Variants in RNF182 observed in about 807,000 individuals in gnomAD.
RNF182 encodes the protein ring finger protein 182, also known as E3 ubiquitin-protein ligase RNF182.
A neutral mutation model predicts 14.4 loss-of-function variants in RNF182; 15 were observed. That is an observed-to-expected ratio of 1.04 (90% confidence interval 0.70 to 1.60). RNF182 has a LOEUF of 1.60. Among genes scored for constraint, RNF182 ranks in the 40% most tolerant of loss-of-function variants. RNF182 has a pLI of 0.00. For missense variants in RNF182, 268 were observed against 294.8 expected (o/e 0.91, Z 0.67); for synonymous variants, 128 against 122.9 (o/e 1.04, Z -0.27).
chr6:13,965,647 A>C (rs1561786159), intron 1 of RNF182, among the ~76,000 whole-genome samples: 1 of 152,200 alleles, frequency 6.6e-6, no homozygotes, highest in Non-Finnish European at 1.5e-5. Flanking sequence ...GACACAGAAA[A>C]CTAGAAATAG....
At chr6:13,941,241 TA>T (rs2113597641) in intron 1 of RNF182, among the ~76,000 whole-genome samples, 1 of 152,236 alleles carries the variant, frequency 6.6e-6, no homozygotes, top group East Asian at 1.9e-4. Flanking sequence ...GAGGATATGT[TA>T]TTGGATATAT....
At chr6:13,975,435 G>A (rs1174528603) in intron 2 of RNF182, among the ~76,000 whole-genome samples, 1 of 152,128 alleles carries the variant, frequency 6.6e-6, no homozygotes, top group Non-Finnish European at 1.5e-5. Context: ...TTGGTTCGTG[G>A]TAGCAGTTTT....
chr6:13,958,630 C>CT (rs1759788393), intron 1 of RNF182, among the ~76,000 whole-genome samples: 1 of 152,102 alleles, frequency 6.6e-6, no homozygotes, highest in Admixed American at 6.5e-5. Flanking sequence ...TGGTAAGCAA[C>CT]ATATTAGTGG....
rs1218016654 is a variant in RNF182 at position 13,949,461 on chromosome 6, G to T, written c.-367+24438G>T. 4.6e-6 allele frequency: 3 copies of T among 647,532 alleles called. No homozygotes were observed. The East Asian group carries it at 8.5e-5, about 18-fold the overall frequency. 40.1% of individuals were successfully genotyped at this position (647,532 alleles called of 1,614,324 possible). On this transcript the variant is annotated intron_variant, in intron 1 of 2. Transcript: ENST00000488300. The stretch of plus-strand genomic sequence containing the variant: ...TTTCTTTGACTTCATTCTGGCCTTT[G>T]GTTGACGAGAAAGGCTGGTTATAAG...
chr6:13,933,616 A>G (rs1298604899), intron 1 of RNF182, among the ~76,000 whole-genome samples: 1 of 152,242 alleles, frequency 6.6e-6, no homozygotes, highest in African/African-American at 2.4e-5. Flanking sequence ...TAATCAATAT[A>G]AAAATTATTA....
At chr6:13,955,540 T>C (rs372490549) in intron 1 of RNF182, among the ~76,000 whole-genome samples, 17 of 152,356 alleles carry the variant, frequency 1.1e-4, no homozygotes, top group East Asian at 7.7e-4. Flanking sequence ...CTTTTTAACA[T>C]ACTTGGTGTT....
intron 1 of RNF182, among the ~76,000 whole-genome samples, chr6:13,944,887 T>C (rs958811414): frequency 1.3e-5 from 2 of 152,238 alleles, no homozygotes; most frequent in Non-Finnish European, 2.9e-5. Flanking sequence ...AATATTGTTA[T>C]ATAGCAATTT....
At chr6:13,932,035 A>G (rs752386529) in intron 1 of RNF182, among the ~76,000 whole-genome samples, 15 of 152,146 alleles carry the variant, frequency 9.9e-5, no homozygotes, top group Non-Finnish European at 1.9e-4. Context: ...ATCTGCCAGC[A>G]CCTTAATCTT....
chr6:13,930,081 C>T (rs1411857492), intron 1 of RNF182, among the ~76,000 whole-genome samples: 2 of 151,856 alleles, frequency 1.3e-5, no homozygotes, highest in African/African-American at 4.8e-5. Flanking sequence ...TCCACATCTG[C>T]AGATTCTATC....
intron 1 of RNF182, among the ~76,000 whole-genome samples, chr6:13,928,574 A>G (rs569539461): frequency 6.6e-6 from 1 of 152,162 alleles, no homozygotes; most frequent in African/African-American, 2.4e-5. Context: ...TTAATTTGTA[A>G]TTTGATCAGA....
At chr6:13,958,781 A>G (rs912496858) in intron 1 of RNF182, among the ~76,000 whole-genome samples, 1 of 152,230 alleles carries the variant, frequency 6.6e-6, no homozygotes, top group African/African-American at 2.4e-5. Flanking sequence ...TTTGAAAACG[A>G]GTAATTGGAG....
At chr6:13,930,531 C>T (rs1031129135) in intron 1 of RNF182, among the ~76,000 whole-genome samples, 2 of 152,220 alleles carry the variant, frequency 1.3e-5, no homozygotes, top group African/African-American at 4.8e-5. Context: ...CTCACTCCCT[C>T]CCAGTAGAAC....
intron 1 of RNF182, among the ~76,000 whole-genome samples, chr6:13,934,787 T>TTAAAA (rs70989896): frequency 0.31 from 47,810 of 151,802 alleles, 8,095 homozygotes; most frequent in East Asian, 0.61. Context: ...ATTGAGATAA[T>TTAAAA]TAATGCAAAT....
intron 1 of RNF182, among the ~76,000 whole-genome samples, chr6:13,964,936 T>G (rs1356832599): frequency 6.6e-6 from 1 of 152,106 alleles, no homozygotes; most frequent in Non-Finnish European, 1.5e-5. Flanking sequence ...GACCATTGTG[T>G]TTCACCCTAC....
Position 13,979,744 on chromosome 6 carries a change from G to T in RNF182, c.*1881G>T, listed in dbSNP as rs1049996844. The T allele has an allele frequency of 1.2e-5, 2 of 166,880 alleles. No individual in the cohort carries two copies. Among genetic ancestry groups the T allele is most frequent in the Non-Finnish European group, 1.5e-5 (1 of 68,100 alleles). The allele number at this position is 166,880 out of a possible 1,614,324, so 10.3% of individuals were successfully genotyped here. A position where few individuals can be genotyped will look rare whatever the true frequency, so the allele number is the denominator to read the frequency against. On this transcript the variant is annotated 3_prime_UTR_variant, in exon 3 of 3. Transcript: ENST00000488300. ...TTGAAATGTAACATTGAGTAAATTG[G>T]TGAGTTATATAATGAGATTTCTAGA...
At chr6:13,947,169 T>C (rs1759458003) in intron 1 of RNF182, among the ~76,000 whole-genome samples, 1 of 152,238 alleles carries the variant, frequency 6.6e-6, no homozygotes, top group East Asian at 1.9e-4. Flanking sequence ...CAGATTTTTA[T>C]GTTAATCATG....
At position 13,978,744 on chromosome 6, in the gene RNF182, G is replaced by A. The variant is rs1052345104; in HGVS notation, c.*881G>A. 10 of 166,886 alleles carry A rather than the reference G, an allele frequency of 6.0e-5. No individual in the cohort carries two copies. The highest frequency in any genetic ancestry group is 1.7e-4 in the African/African-American group (7 of 41,362). 10.3% of individuals were successfully genotyped at this position (166,886 alleles called of 1,614,324 possible). On this transcript the variant is annotated 3_prime_UTR_variant, in exon 3 of 3. Coordinates refer to ENST00000488300, the MANE Select transcript of RNF182 (RefSeq NM_152737.4). ...TCCTGAAAAGGTTCCATTTAAATTA[G>A]TTGCTATAAATTCATCAATACTTTT...
chr6:13,928,868 G>A (rs1013229093), intron 1 of RNF182, among the ~76,000 whole-genome samples: 1 of 152,068 alleles, frequency 6.6e-6, no homozygotes, highest in Non-Finnish European at 1.5e-5. Context: ...GTGGGGGTGC[G>A]GTGGTGGTGG....
At chr6:13,925,131 A>G (rs556461980) in intron 1 of RNF182, 108 bp downstream of exon 1, 2 of 80,242 alleles carry the variant, frequency 2.5e-5, no homozygotes, top group Admixed American at 2.7e-4. Context: ...GGGCCGCCCA[A>G]GCGCGCCGAG....
Sources: gnomAD v4.1 joint callset for allele counts (sites outside exome capture counted in the v4.1 genomes callset) on GRCh38, gnomAD v4.1.1 for gene constraint, MANE v1.5 for transcripts, NCBI Gene and HGNC (gene_info 2026-07-23, HGNC 2026-07-21) for gene names.